Variants in TNFAIP8L1 observed in about 807,000 individuals in gnomAD.
TNFAIP8L1 encodes TNF alpha induced protein 8 like 1.
For synonymous variants in TNFAIP8L1, 127 were observed against 125.6 expected, an observed-to-expected ratio of 1.01 and a Z score of -0.08; for missense variants, 225 against 266.1, an observed-to-expected ratio of 0.85 and a Z score of 1.08.
intron 1 of TNFAIP8L1, among the ~76,000 whole-genome samples, chr19:4,646,620 A>G (rs2088313630): frequency 6.6e-6 from 1 of 151,150 alleles, no homozygotes; most frequent in Non-Finnish European, 1.5e-5. Flanking sequence ...CCTTGTGGAC[A>G]GGCCTCTCCT....
intron 1 of TNFAIP8L1, 61 bp downstream of exon 1, chr19:4,639,690 CCT>C (rs1464701276): frequency 6.6e-6 from 1 of 152,274 alleles, no homozygotes; most frequent in Non-Finnish European, 1.5e-5. Flanking sequence ...ACCTGGCCGC[CCT>C]CTGTCTCTCC....
At chr19:4,651,353 T>A (rs1344419026) in intron 1 of TNFAIP8L1, among the ~76,000 whole-genome samples, 2 of 152,028 alleles carry the variant, frequency 1.3e-5, no homozygotes, top group Admixed American at 1.3e-4. Context: ...ATTTTTGATT[T>A]TTTTTTTTTA....
At position 4,654,337 on chromosome 19, in the gene TNFAIP8L1, G is replaced by A. The variant is rs1467184098; in HGVS notation, c.*1907G>A. The A allele has an allele frequency of 6.6e-6, 1 of 152,138 alleles. No individual in the cohort carries two copies. Among genetic ancestry groups the A allele is most frequent in the Non-Finnish European group, 1.5e-5 (1 of 68,016 alleles). 9.4% of individuals were successfully genotyped at this position (152,138 alleles called of 1,614,324 possible). Reference sequence around the variant, plus strand: ...GAGGGGGGACCCACCTGAGATGTGTGCACATTTTATTTATTTATTGTTTTG... The same window carrying A: ...GAGGGGGGACCCACCTGAGATGTGTACACATTTTATTTATTTATTGTTTTG... On this transcript the variant is annotated 3_prime_UTR_variant, in exon 2 of 2. Coordinates refer to ENST00000327473, the MANE Select transcript of TNFAIP8L1 (RefSeq NM_152362.3).
intron 1 of TNFAIP8L1, among the ~76,000 whole-genome samples, chr19:4,650,751 C>T (rs2088354793): frequency 6.6e-6 from 1 of 152,160 alleles, no homozygotes; most frequent in African/African-American, 2.4e-5. Context: ...CCCAGAAACC[C>T]CACAAATGGC....
At chr19:4,644,605 A>ATTTT (rs553560316) in intron 1 of TNFAIP8L1, among the ~76,000 whole-genome samples, 1,528 of 88,716 alleles carry the variant, frequency 0.017, 161 homozygotes, top group African/African-American at 0.055. Context: ...TGAGTCATGG[A>ATTTT]TTTTTTTTTT....
At position 4,647,220 on chromosome 19, in the gene TNFAIP8L1, G is replaced by C. The variant is rs572823975; in HGVS notation, c.-3-4647G>C. Among the ~76,000 whole-genome samples, 3 of 152,320 alleles carry C rather than the reference G, an allele frequency of 2.0e-5. No homozygotes were observed. In the East Asian group the frequency reaches 5.8e-4, roughly 29 times the overall value. On this transcript the variant is annotated intron_variant, in intron 1 of 1. Coordinates refer to ENST00000327473, the MANE Select transcript of TNFAIP8L1 (RefSeq NM_152362.3). Reference sequence around the variant, plus strand: ...AAGTGTTTGCGTGGTGTATGCTTGTGTTTCTCTTGGGTAGATCCCCCAAAG... The same window carrying C: ...AAGTGTTTGCGTGGTGTATGCTTGTCTTTCTCTTGGGTAGATCCCCCAAAG...
At chr19:4,644,077 C>T (rs1329816264) in intron 1 of TNFAIP8L1, among the ~76,000 whole-genome samples, 47 of 151,576 alleles carry the variant, frequency 3.1e-4, no homozygotes, top group Admixed American at 9.9e-4. Flanking sequence ...CAAAATTAAC[C>T]GGGCGTGGTG....
chr19:4,648,058 C>G (rs2088328516), intron 1 of TNFAIP8L1, among the ~76,000 whole-genome samples: 1 of 152,208 alleles, frequency 6.6e-6, no homozygotes, highest in Non-Finnish European at 1.5e-5. Flanking sequence ...AAGCAGGCAA[C>G]CTGGCCAGTA....
At chr19:4,643,026 C>T (rs1017644712) in intron 1 of TNFAIP8L1, among the ~76,000 whole-genome samples, 8 of 152,044 alleles carry the variant, frequency 5.3e-5, no homozygotes, top group African/African-American at 1.9e-4. Context: ...CTCATGTAAT[C>T]CCAGCACTTT....
chr19:4,648,518 C>T (rs2088332487), intron 1 of TNFAIP8L1, among the ~76,000 whole-genome samples: 1 of 152,216 alleles, frequency 6.6e-6, no homozygotes, highest in African/African-American at 2.4e-5. Flanking sequence ...CCCGGGGCTG[C>T]CCCGGCCGTC....
rs1474701771 is a variant in TNFAIP8L1, at chr19:4,654,085, A to C, written c.*1655A>C. 1 of 152,170 alleles carries C rather than the reference A, an allele frequency of 6.6e-6. No homozygotes were observed. The highest frequency in any genetic ancestry group is 2.4e-5 in the African/African-American group (1 of 41,426). The allele number at this position is 152,170 out of a possible 1,614,324, so 9.4% of individuals were successfully genotyped here. Reference sequence around the variant, plus strand: ...AGCCCTGGCCACACCTTCATCTCAGACTTGCGGCCCAGAGAACTGAATGAG... The same window carrying C: ...AGCCCTGGCCACACCTTCATCTCAGCCTTGCGGCCCAGAGAACTGAATGAG... On this transcript the variant is annotated 3_prime_UTR_variant, in exon 2 of 2. Coordinates refer to ENST00000327473, the MANE Select transcript of TNFAIP8L1 (RefSeq NM_152362.3).
In TNFAIP8L1 at chr19:4,653,569, A is replaced by C. The variant is rs1274674075; in HGVS notation, c.*1139A>C. 6.3e-6 allele frequency: 1 copy of C among 157,986 alleles called. No homozygotes were observed. Among genetic ancestry groups the C allele is most frequent in the Non-Finnish European group, 1.5e-5 (1 of 67,998 alleles). 9.8% of individuals were successfully genotyped at this position (157,986 alleles called of 1,614,324 possible). ...CAAGAGATCGAGACCATCCTGGCCA[A>C]CATGGTGAAACCCCGTCTCTACTAA... On this transcript the variant is annotated 3_prime_UTR_variant, in exon 2 of 2. Transcript: ENST00000327473.
At chr19:4,644,477 C>A (rs1425104042) in intron 1 of TNFAIP8L1, among the ~76,000 whole-genome samples, 1 of 146,112 alleles carries the variant, frequency 6.8e-6, no homozygotes, top group East Asian at 2.1e-4. Context: ...CCCAGGAGGT[C>A]GAGGCTATAG....
rs1211150427 is a variant in TNFAIP8L1, at chr19:4,641,915, A to AC, written c.-4+2289dup. The AC allele has an allele frequency of 6.6e-6, 1 of 152,102 alleles. No individual in the cohort carries two copies. Among genetic ancestry groups the AC allele is most frequent in the Admixed American group, 6.6e-5 (1 of 15,240 alleles). 9.4% of individuals were successfully genotyped at this position (152,102 alleles called of 1,614,324 possible). ...TGCTTTATAAACAGGCAAGCTCCTG[A>AC]CCCTCTGTGACTCAGTTTCCTTATA... On this transcript the variant is annotated intron_variant, in intron 1 of 1. Coordinates refer to ENST00000327473, the MANE Select transcript of TNFAIP8L1 (RefSeq NM_152362.3). The surrounding 1 kb of genome is among the most constrained non-coding windows in gnomAD (Gnocchi z 4.6).
At chr19:4,642,625 G>A (rs1288513003) in intron 1 of TNFAIP8L1, 2 of 152,538 alleles carry the variant, frequency 1.3e-5, no homozygotes, top group East Asian at 3.8e-4. Flanking sequence ...TGGGAGAAGA[G>A]CAGCTCAGGC....
rs1313535668 is a variant in TNFAIP8L1 at position 4,651,909 on chromosome 19, CAGA to C, written c.46_48del (p.Lys16del). On this transcript the variant is annotated inframe_deletion, in exon 2 of 2. Transcript: ENST00000327473. ...CACCAAGAGCCTGGCTCTGCAGGCGCAGAAGAAGCTCCTGAGTAAGATGGCGTC... is the reference window on the plus strand; with the variant it reads ...CACCAAGAGCCTGGCTCTGCAGGCGCAGAAGCTCCTGAGTAAGATGGCGTC... 2 of 1,611,830 alleles carry C rather than the reference CAGA, an allele frequency of 1.2e-6. No homozygotes were observed. The highest frequency in any genetic ancestry group is 1.3e-5 in the African/African-American group (1 of 74,898).
rs915955218 is a variant in TNFAIP8L1 at position 4,655,461 on chromosome 19, T to C, written c.*3031T>C. 1 of 152,224 alleles carries C rather than the reference T, an allele frequency of 6.6e-6. No individual in the cohort carries two copies. Among genetic ancestry groups the C allele is most frequent in the Non-Finnish European group, 1.5e-5 (1 of 68,044 alleles). The allele number at this position is 152,224 out of a possible 1,614,324, so 9.4% of individuals were successfully genotyped here. A position where few individuals can be genotyped will look rare whatever the true frequency, so the allele number is the denominator to read the frequency against. On this transcript the variant is annotated 3_prime_UTR_variant, in exon 2 of 2. Transcript: ENST00000327473. ...GTGTGTAAAACTCTCTGTGTCCCTG[T>C]TGGGCTGTCCAGACAGTCTGGACTC...
At chr19:4,646,608 G>A (rs1476101866) in intron 1 of TNFAIP8L1, among the ~76,000 whole-genome samples, 2 of 150,852 alleles carry the variant, frequency 1.3e-5, no homozygotes, top group Non-Finnish European at 2.9e-5. Context: ...TCCGCTTTCT[G>A]CCCTTGTGGA....
intron 1 of TNFAIP8L1, among the ~76,000 whole-genome samples, chr19:4,643,110 C>G (rs1180510684): frequency 1.3e-5 from 2 of 152,006 alleles, no homozygotes; most frequent in East Asian, 3.9e-4. Context: ...GAAACCCCAT[C>G]TCTACTAAAA....
Sources: allele counts gnomAD v4.1 joint callset (sites outside exome capture counted in the v4.1 genomes callset), GRCh38; gene constraint gnomAD v4.1.1; non-coding constraint Gnocchi (gnomAD v3.1); transcripts MANE v1.5; gene names NCBI Gene and HGNC (gene_info 2026-07-23, HGNC 2026-07-21).